The following CFAP69 variants were observed in gnomAD, a reference collection of about 807,000 sequenced individuals.
CFAP69 encodes cilia and flagella associated protein 69, also known as cilia- and flagella-associated protein 69.
CFAP69 carries 92 observed loss-of-function variants against 123.0 expected under a neutral mutation model. The ratio of observed to expected loss-of-function variants is 0.75; its 90% CI spans 0.63 to 0.89. The LOEUF (loss-of-function observed/expected upper bound fraction) is 0.89. Among genes scored for constraint, CFAP69 ranks in the 40% least tolerant of loss-of-function variants. The probability of loss-of-function intolerance (pLI) is 0.00; values close to 1 mark genes in which losing one functional copy is unlikely to be tolerated. For missense variants in CFAP69, 1,067 were observed against 1,096.9 expected (o/e 0.97, Z 0.39); for synonymous variants, 380 against 364.3 (o/e 1.04, Z -0.49).
At chr7:90,304,971 A>G (rs1793354077) in intron 19 of CFAP69, 151 bp downstream of exon 19, 1 of 584,880 alleles carries the variant, frequency 1.7e-6, no homozygotes, top group African/African-American at 1.9e-5. Context: ...GAAGAAATAC[A>G]CCATACACCC....
Position 90,310,290 on chromosome 7 carries a change from A to G in CFAP69, c.*52A>G, listed in dbSNP as rs768608625. ...AGTCAGCTTATAATTTTTTAGCTGA[A>G]TATATCTTTATACATATGTAAAGCC... On this transcript the variant is annotated 3_prime_UTR_variant, in exon 23 of 23. Coordinates refer to ENST00000389297, the MANE Select transcript of CFAP69 (RefSeq NM_001039706.3). The G allele has an allele frequency of 1.6e-6, 2 of 1,288,122 alleles. No homozygotes were observed. The highest frequency in any genetic ancestry group is 1.5e-5 in the African/African-American group (1 of 67,396). The allele number at this position is 1,288,122 out of a possible 1,614,324, so 79.8% of individuals were successfully genotyped here.
chr7:90,297,180 G>T (rs1374742845), intron 15 of CFAP69, among the ~76,000 whole-genome samples: 4 of 152,196 alleles, frequency 2.6e-5, no homozygotes, highest in Non-Finnish European at 5.9e-5. Flanking sequence ...GTATCTCATT[G>T]CTGTGAAGAG....
chr7:90,247,605 T>G (rs1796487710), intron 1 of CFAP69, among the ~76,000 whole-genome samples: 1 of 152,212 alleles, frequency 6.6e-6, no homozygotes, highest in African/African-American at 2.4e-5. Flanking sequence ...CCCAGCACTT[T>G]GAGAGGCTGG....
chr7:90,246,645 G>A (rs1254685871), intron 1 of CFAP69, among the ~76,000 whole-genome samples: 1 of 152,102 alleles, frequency 6.6e-6, no homozygotes, highest in Non-Finnish European at 1.5e-5. Flanking sequence ...GAATTTTGAG[G>A]AACAATAGCT....
intron 1 of CFAP69, among the ~76,000 whole-genome samples, chr7:90,254,718 G>A (rs530376517): frequency 1.3e-5 from 2 of 152,302 alleles, no homozygotes; most frequent in East Asian, 1.9e-4. Flanking sequence ...GTAACAACAT[G>A]AGTGACAACA....
At chr7:90,294,501 A>G (rs1332026543) in intron 15 of CFAP69, among the ~76,000 whole-genome samples, 2 of 152,206 alleles carry the variant, frequency 1.3e-5, no homozygotes, top group African/African-American at 4.8e-5. Flanking sequence ...CAGAAGATGA[A>G]GGACTCCTTC....
chr7:90,265,846 A>G (rs1324977280), intron 5 of CFAP69, among the ~76,000 whole-genome samples: 5 of 152,202 alleles, frequency 3.3e-5, no homozygotes, highest in African/African-American at 1.2e-4. Context: ...GCAGATGCCT[A>G]TATTTTGTAC....
rs375467384 is a variant in CFAP69, at chr7:90,309,002, T to C, written c.2551-261T>C. Among the ~76,000 whole-genome samples the C allele has an allele frequency of 2.6e-5, 4 of 152,160 alleles. No homozygotes were observed. In the East Asian group the frequency reaches 5.8e-4, roughly 22 times the overall value. ...ATTTCTTCAGGATCTGCTTGACTCC[T>C]TGGTCATATATGGATTTCTTGGACT... On this transcript the variant is annotated intron_variant, in intron 21 of 22. Coordinates refer to ENST00000389297, the MANE Select transcript of CFAP69 (RefSeq NM_001039706.3).
chr7:90,266,611 C>G, intron 5 of CFAP69, among the ~76,000 whole-genome samples: 1 of 151,970 alleles, frequency 6.6e-6, no homozygotes, highest in African/African-American at 2.4e-5. Context: ...TCAACTTATT[C>G]TTTGCTTAAT....
chr7:90,291,414 T>C (rs1315955106), intron 15 of CFAP69, among the ~76,000 whole-genome samples: 2 of 152,184 alleles, frequency 1.3e-5, no homozygotes, highest in Non-Finnish European at 2.9e-5. Flanking sequence ...TTTACCTGGC[T>C]TATTCACTGC....
At chr7:90,301,690 T>C (rs1363404022) in intron 17 of CFAP69, 1 of 152,212 alleles carries the variant, frequency 6.6e-6, no homozygotes, top group Non-Finnish European at 1.5e-5. Context: ...TAGCATTCCA[T>C]GGTGTATATG....
chr7:90,258,936 G>A (rs947243740), intron 3 of CFAP69, among the ~76,000 whole-genome samples: 2 of 152,176 alleles, frequency 1.3e-5, no homozygotes, highest in Admixed American at 6.5e-5. Flanking sequence ...ATGGGCAGTT[G>A]TACCTTTGAT....
At chr7:90,320,006 C>G in the CFAP69 span, among the ~76,000 whole-genome samples, 2 of 152,146 alleles carry the variant, frequency 1.3e-5, no homozygotes, top group South Asian at 2.1e-4. Context: ...TTCATTTCAT[C>G]ACAGACCTTT....
downstream of CFAP69, among the ~76,000 whole-genome samples, chr7:90,314,995 T>C (rs2117542993): frequency 6.6e-6 from 1 of 151,936 alleles, no homozygotes; most frequent in South Asian, 2.1e-4. Flanking sequence ...CCAACAAGCG[T>C]ATGAAAAAAA....
chr7:90,281,692 T>C (rs1294474115), intron 12 of CFAP69, among the ~76,000 whole-genome samples: 1 of 152,218 alleles, frequency 6.6e-6, no homozygotes, highest in Non-Finnish European at 1.5e-5. Flanking sequence ...TTTTGCTAGA[T>C]ATCAGTGTAG....
In CFAP69 at chr7:90,252,919, A is replaced by T. The variant is rs17866940; in HGVS notation, c.121-2504A>T. ...ATAATGATTATGTAGAAGTATGGAA[A>T]AGTATGTATTGCAGATTTAAAACTC... is the stretch of plus-strand genomic sequence containing the variant. On this transcript the variant is annotated intron_variant, in intron 1 of 22. Coordinates refer to ENST00000389297, the MANE Select transcript of CFAP69 (RefSeq NM_001039706.3). Among the ~76,000 whole-genome samples, 826 of 152,308 alleles carry T rather than the reference A, an allele frequency of 5.4e-3. 13 individuals are homozygous for T. Among genetic ancestry groups the T allele is most frequent in the African/African-American group, 0.019 (780 of 41,580 alleles).
rs374792331 is a variant in CFAP69 at position 90,265,401 on chromosome 7, A to G, written c.433+24A>G. The G allele has an allele frequency of 8.6e-6, 13 of 1,512,618 alleles. No homozygotes were observed. The African/African-American group carries it at 1.6e-4, about 19-fold the overall frequency. The allele number at this position is 1,512,618 out of a possible 1,614,324, so 93.7% of individuals were successfully genotyped here. On this transcript the variant is annotated intron_variant, in intron 5 of 22. Transcript: ENST00000389297. ...GGGTAAGTTAAGATTTCCTTAAGGT[A>G]TAGGGATGTAACATACGACAGGTCC...
intron 1 of CFAP69, among the ~76,000 whole-genome samples, chr7:90,250,217 A>AGAGAGAGAGAGG (rs1388976475): frequency 3.6e-4 from 55 of 151,298 alleles, no homozygotes; most frequent in African/African-American, 1.2e-3. Context: ...AGAGAGAGAG[A>AGAGAGAGAGAGG]GAGAGAGAGA....
chr7:90,248,488 C>T (rs1230740164), intron 1 of CFAP69, among the ~76,000 whole-genome samples: 1 of 152,158 alleles, frequency 6.6e-6, no homozygotes, highest in Non-Finnish European at 1.5e-5. Flanking sequence ...ATGATATTCA[C>T]AGAGTATTAG....
Sources: gnomAD v4.1 joint callset for allele counts (sites outside exome capture counted in the v4.1 genomes callset) on GRCh38, gnomAD v4.1.1 for gene constraint, MANE v1.5 for transcripts, NCBI Gene and HGNC (gene_info 2026-07-23, HGNC 2026-07-21) for gene names.